The following NRG4 variants were observed in gnomAD, a reference collection of about 807,000 sequenced individuals.
The protein encoded by NRG4 is pro-neuregulin-4, membrane-bound isoform.
A neutral mutation model predicts 15.0 loss-of-function variants in NRG4; 10 were observed. The ratio of observed to expected loss-of-function variants is 0.67; its 90% CI spans 0.41 to 1.13. The LOEUF (loss-of-function observed/expected upper bound fraction) is 1.13, where lower values mean the gene tolerates loss of function less well. NRG4 is among the 50% of genes most tolerant of loss of function. The pLI is 0.00. For missense variants in NRG4, 139 were observed against 140.2 expected (o/e 0.99, Z 0.04); for synonymous variants, 41 against 50.1 (o/e 0.82, Z 0.77).
intron 4 of NRG4, among the ~76,000 whole-genome samples, chr15:75,959,763 C>T (rs2032426310): frequency 6.6e-6 from 1 of 152,190 alleles, no homozygotes; most frequent in African/African-American, 2.4e-5. Context: ...GGAATACAGA[C>T]ATGAGCTACC....
intron 3 of NRG4, among the ~76,000 whole-genome samples, chr15:75,994,268 A>T (rs547896272): frequency 6.6e-6 from 1 of 152,182 alleles, no homozygotes; most frequent in Non-Finnish European, 1.5e-5. Context: ...TATGCATACA[A>T]ATTCAAGGCC....
intron 3 of NRG4, among the ~76,000 whole-genome samples, chr15:75,973,320 A>G (rs2033202616): frequency 1.3e-5 from 2 of 152,204 alleles, no homozygotes; most frequent in African/African-American, 4.8e-5. Flanking sequence ...ACCCAGAGAC[A>G]ATTTGACTTC....
chr15:76,042,275 GAAAAGC>G (rs2035760144), intron 4 of NRG4, among the ~76,000 whole-genome samples: 1 of 151,520 alleles, frequency 6.6e-6, no homozygotes, highest in African/African-American at 2.4e-5. Context: ...AAAAGAAATA[GAAAAGC>G]AAAAGCAAAC....
At chr15:76,011,647 C>T (rs775694740) in intron 1 of NRG4, among the ~76,000 whole-genome samples, 11 of 152,000 alleles carry the variant, frequency 7.2e-5, no homozygotes, top group Non-Finnish European at 1.5e-4. Flanking sequence ...GTAAGTAAAA[C>T]TGAATGAACT....
intron 5 of NRG4, among the ~76,000 whole-genome samples, chr15:75,949,023 G>A (rs2031713721): frequency 6.6e-6 from 1 of 152,202 alleles, no homozygotes. Flanking sequence ...TGCACTGCTA[G>A]AGCCTTGGGC....
intron 4 of NRG4, among the ~76,000 whole-genome samples, chr15:76,036,178 C>A (rs1243273231): frequency 6.6e-6 from 1 of 152,148 alleles, no homozygotes; most frequent in African/African-American, 2.4e-5. Flanking sequence ...GAGTCAGGCC[C>A]TGGTAAAAAT....
intron 5 of NRG4, among the ~76,000 whole-genome samples, chr15:76,030,045 T>A (rs2035432561): frequency 6.6e-6 from 1 of 151,924 alleles, no homozygotes; most frequent in Non-Finnish European, 1.5e-5. Flanking sequence ...GATCACAAGG[T>A]CAGGAGATCA....
intron 3 of NRG4, among the ~76,000 whole-genome samples, chr15:76,007,958 T>C (rs2034667864): frequency 6.6e-6 from 1 of 152,230 alleles, no homozygotes. Context: ...CCCTGCCTCC[T>C]TTCTCTAAGG....
chr15:76,019,113 G>C (rs2035073864), intron 5 of NRG4, among the ~76,000 whole-genome samples: 1 of 152,072 alleles, frequency 6.6e-6, no homozygotes, highest in Admixed American at 6.6e-5. Context: ...GAACTTCCAG[G>C]CGGCTTTGTT....
intron 5 of NRG4, among the ~76,000 whole-genome samples, chr15:76,021,144 G>A (rs563933161): frequency 6.6e-6 from 1 of 152,234 alleles, no homozygotes; most frequent in East Asian, 1.9e-4. Context: ...AAATCCTAGG[G>A]CCCTTAAGAA....
upstream of NRG4, among the ~76,000 whole-genome samples, chr15:76,015,889 T>C (rs1371547834): frequency 6.6e-6 from 1 of 152,232 alleles, no homozygotes; most frequent in Non-Finnish European, 1.5e-5. Context: ...GTCCCTCTTT[T>C]TCTATTGTTT....
intron 3 of NRG4, among the ~76,000 whole-genome samples, chr15:75,970,823 C>T (rs1259361917): frequency 2.0e-5 from 3 of 152,194 alleles, no homozygotes; most frequent in South Asian, 4.1e-4. Flanking sequence ...CAAAGAATCT[C>T]GTAAGTTCCA....
rs181644168 is a variant in NRG4, at chr15:76,057,715, T to G, written c.-327-696A>C. Among the ~76,000 whole-genome samples the G allele has an allele frequency of 9.2e-5, 14 of 152,222 alleles. No individual in the cohort carries two copies. In the East Asian group the frequency reaches 2.7e-3, roughly 29 times the overall value. On this transcript the variant is annotated intron_variant, in intron 1 of 8. Transcript: ENST00000563910. ...AAATGGTTGCACCTACAATTTCCAT[T>G]AACTCGGATTACTCAGAAAAGGACA...
rs909026952 is a variant in NRG4 at position 75,942,734 on chromosome 15, T to C, written c.*904A>G. On this transcript the variant is annotated 3_prime_UTR_variant, in exon 6 of 6. Transcript: ENST00000394907. ...GTTAGGTTTGGCCGGTGCATGCCCT[T>C]CTGCCTAAGCCATTTACCAGCCCCA... The C allele has an allele frequency of 2.0e-5, 3 of 152,092 alleles. No individual in the cohort carries two copies. Among genetic ancestry groups the C allele is most frequent in the Non-Finnish European group, 2.9e-5 (2 of 68,012 alleles). The allele number at this position is 152,092 out of a possible 1,614,324, so 9.4% of individuals were successfully genotyped here.
chr15:75,966,906 G>A (rs557137394), intron 3 of NRG4, among the ~76,000 whole-genome samples: 2 of 152,232 alleles, frequency 1.3e-5, no homozygotes, highest in African/African-American at 4.8e-5. Context: ...CACAAGGTCA[G>A]GAGTTCAAGA....
chr15:76,042,767 GAA>G (rs2035774769), intron 4 of NRG4, among the ~76,000 whole-genome samples: 1 of 151,964 alleles, frequency 6.6e-6, no homozygotes, highest in African/African-American at 2.4e-5. Context: ...AAACTATTCT[GAA>G]AAAGAGAGGA....
chr15:75,955,954 C>T lies in NRG4; in HGVS notation c.309G>A (p.Thr103=), dbSNP rs1230678518. 14 of 1,608,964 alleles carry T rather than the reference C, an allele frequency of 8.7e-6. No homozygotes were observed. The highest frequency in any genetic ancestry group is 3.3e-5 in the South Asian group (3 of 90,948). Residue 103 remains threonine, a synonymous_variant, in exon 5 of 6, where the codon ACG becomes ACA. Transcript: ENST00000394907. ...CACTGTGGTGGGCACTGGTACTGCT[C>T]GTCTCTACCAGGTTGATATCATACT... ...SVQYDINLVE[T]SSTSAHHSHE... is the part of the protein sequence containing the mutation.
intron 3 of NRG4, among the ~76,000 whole-genome samples, chr15:75,985,853 C>A (rs938212304): frequency 1.3e-5 from 2 of 151,906 alleles, no homozygotes; most frequent in African/African-American, 4.8e-5. Context: ...AAAAAAATCA[C>A]AAGACAAGTG....
chr15:75,994,674 A>G (rs185531705), intron 3 of NRG4, among the ~76,000 whole-genome samples: 172 of 152,354 alleles, frequency 1.1e-3, no homozygotes, highest in African/African-American at 3.9e-3. Context: ...GCTTGAAAGT[A>G]TCTTACAGAA....
Sources: gnomAD v4.1 joint callset for allele counts (sites outside exome capture counted in the v4.1 genomes callset) on GRCh38, gnomAD v4.1.1 for gene constraint, MANE v1.5 for transcripts, NCBI Gene and HGNC (gene_info 2026-07-23, HGNC 2026-07-21) for gene names.